EPHA5: variants seen among roughly 807,000 people sequenced by gnomAD.
EPHA5 encodes EPH receptor A5, also known as ephrin type-A receptor 5.
A neutral mutation model predicts 105.0 loss-of-function variants in EPHA5; 60 were observed. The observed-to-expected ratio is 0.57, with a 90% confidence interval of 0.46 to 0.71. The LOEUF is 0.71. EPHA5 is among the 30% of genes least tolerant of loss of function. The pLI is 0.00. For missense variants in EPHA5, 1,218 were observed against 1,274.7 expected, an observed-to-expected ratio of 0.96 and a Z score of 0.68; for synonymous variants, 513 against 449.1, an observed-to-expected ratio of 1.14 and a Z score of -1.80.
chr4:65,480,919 C>T (rs1730302314), intron 5 of EPHA5, among the ~76,000 whole-genome samples: 1 of 151,780 alleles, frequency 6.6e-6, no homozygotes, highest in African/African-American at 2.4e-5. Context: ...GTAGGCAAGT[C>T]TATTAAGGAA....
chr4:65,625,881 G>A (rs148337306), intron 2 of EPHA5, among the ~76,000 whole-genome samples: 3,614 of 152,214 alleles, frequency 0.024, 58 homozygotes, highest in Non-Finnish European at 0.034. Context: ...GGAGGCCGAG[G>A]CGGGAGGATC....
intron 3 of EPHA5, among the ~76,000 whole-genome samples, chr4:65,567,818 ATCT>A (rs1267087956): frequency 5.9e-5 from 9 of 151,508 alleles, no homozygotes; most frequent in African/African-American, 2.2e-4. Context: ...TTTATAATTG[ATCT>A]TCTCTTTTAA....
intron 8 of EPHA5, among the ~76,000 whole-genome samples, chr4:65,372,002 CA>C (rs912438809): frequency 2.4e-4 from 37 of 151,724 alleles, no homozygotes; most frequent in African/African-American, 7.0e-4. Context: ...CAAAAAGCAA[CA>C]AATTACAGTG....
intron 3 of EPHA5, among the ~76,000 whole-genome samples, chr4:65,541,729 C>T (rs546488532): frequency 6.6e-5 from 10 of 152,090 alleles, no homozygotes; most frequent in African/African-American, 2.4e-4. Context: ...AGGACTTGAA[C>T]TCAGCTTTGG....
intron 5 of EPHA5, among the ~76,000 whole-genome samples, chr4:65,429,640 C>T (rs1724789763): frequency 1.3e-5 from 2 of 151,804 alleles, no homozygotes. Context: ...TCTTATATAG[C>T]CAAATGAACA....
At chr4:65,383,415 T>G (rs533442236) in intron 8 of EPHA5, among the ~76,000 whole-genome samples, 1 of 151,914 alleles carries the variant, frequency 6.6e-6, no homozygotes, top group South Asian at 2.1e-4. Flanking sequence ...ATCTTTCCTG[T>G]ATTTCTTGAA....
At chr4:65,576,981 T>C (rs1054713838) in intron 3 of EPHA5, among the ~76,000 whole-genome samples, 1 of 152,216 alleles carries the variant, frequency 6.6e-6, no homozygotes, top group South Asian at 2.1e-4. Flanking sequence ...TTTTACACTC[T>C]ATAGAAATGG....
At chr4:65,329,200 T>A (rs1016208131) in intron 16 of EPHA5, among the ~76,000 whole-genome samples, 12 of 151,324 alleles carry the variant, frequency 7.9e-5, no homozygotes, top group African/African-American at 2.9e-4. Flanking sequence ...GTTTGCACCA[T>A]TACTGCCACA....
intron 5 of EPHA5, among the ~76,000 whole-genome samples, chr4:65,451,321 A>T (rs1033957803): frequency 1.3e-5 from 2 of 152,182 alleles, no homozygotes; most frequent in Non-Finnish European, 2.9e-5. Context: ...GATACAAGAC[A>T]TTTTAAATTG....
At chr4:65,513,366 G>T (rs566614483) in intron 3 of EPHA5, among the ~76,000 whole-genome samples, 3 of 151,920 alleles carry the variant, frequency 2.0e-5, no homozygotes, top group Non-Finnish European at 4.4e-5. Flanking sequence ...TATTTCAAAA[G>T]ATTTGGGGTT....
intron 5 of EPHA5, among the ~76,000 whole-genome samples, chr4:65,455,946 T>G (rs1727542153): frequency 6.6e-6 from 1 of 152,196 alleles, no homozygotes; most frequent in African/African-American, 2.4e-5. Flanking sequence ...CATTTTATAG[T>G]TGTACATCTT....
At chr4:65,335,258 A>G (rs998378806) in intron 15 of EPHA5, among the ~76,000 whole-genome samples, 3 of 151,978 alleles carry the variant, frequency 2.0e-5, no homozygotes. Flanking sequence ...TGAGAAGATA[A>G]TTCTGTTTTT....
At chr4:65,428,405 A>G (rs985561274) in intron 5 of EPHA5, among the ~76,000 whole-genome samples, 3 of 152,112 alleles carry the variant, frequency 2.0e-5, no homozygotes, top group African/African-American at 7.2e-5. Flanking sequence ...CATTCTCAAC[A>G]CACTTAGTAC....
intron 8 of EPHA5, among the ~76,000 whole-genome samples, chr4:65,378,109 C>T (rs1443258926): frequency 6.6e-6 from 1 of 151,798 alleles, no homozygotes; most frequent in African/African-American, 2.4e-5. Flanking sequence ...AAATAAAATT[C>T]CAATGGATCT....
Position 65,324,165 on chromosome 4 carries a change from G to A in EPHA5, c.3000C>T (p.Asn1000=), listed in dbSNP as rs141088985. ...TLVGHQKKIM[N]SLQEMKVQLV... ...GCTGCACCTTCATTTCTTGAAGGCT[G>A]TTCATGATCTTCTTCTGGTGACCGA... Residue 1000 remains asparagine, a synonymous_variant, in exon 17 of 17, where the codon AAC becomes AAT. Coordinates refer to ENST00000613740, the MANE Select transcript of EPHA5 (RefSeq NM_001281766.3). 8.8e-5 allele frequency: 142 copies of A among 1,609,584 alleles called. No individual in the cohort carries two copies. In the African/African-American group the frequency reaches 1.6e-3, roughly 19 times the overall value.
intron 5 of EPHA5, among the ~76,000 whole-genome samples, chr4:65,452,649 G>A (rs971157715): frequency 6.6e-6 from 1 of 150,986 alleles, no homozygotes; most frequent in Non-Finnish European, 1.5e-5. Context: ...GAAAGTAAAT[G>A]TGTAAACATT....
At chr4:65,330,492 A>G (rs1426563993) in intron 16 of EPHA5, 1 of 310,754 alleles carries the variant, frequency 3.2e-6, no homozygotes, top group East Asian at 1.6e-4. Context: ...TGAAGGAAGA[A>G]GCAAAAATGT....
intron 16 of EPHA5, chr4:65,330,822 T>C (rs923107894): frequency 2.9e-6 from 3 of 1,030,718 alleles, no homozygotes; most frequent in Non-Finnish European, 3.5e-6. Context: ...ATCAAGTAGA[T>C]ATGATCTGGT....
chr4:65,429,116 C>A (rs115287815), intron 5 of EPHA5, among the ~76,000 whole-genome samples: 1 of 151,904 alleles, frequency 6.6e-6, no homozygotes, highest in East Asian at 1.9e-4. Context: ...ATCTTAATAA[C>A]CACAATCCCC....
Sources: allele counts gnomAD v4.1 joint callset (sites outside exome capture counted in the v4.1 genomes callset), GRCh38; gene constraint gnomAD v4.1.1; transcripts MANE v1.5; gene names NCBI Gene and HGNC (gene_info 2026-07-23, HGNC 2026-07-21).